CCDC171: variants seen among roughly 807,000 people sequenced by gnomAD.
The protein encoded by CCDC171 is coiled-coil domain-containing protein 171.
A neutral mutation model predicts 168.2 loss-of-function variants in CCDC171; 177 were observed. That is an observed-to-expected ratio of 1.05 (90% CI 0.93 to 1.19). The LOEUF (loss-of-function observed/expected upper bound fraction) is 1.19. Among genes scored for constraint, CCDC171 ranks in the 50% most tolerant of loss-of-function variants. The probability of loss-of-function intolerance (pLI) is 0.00; values close to 1 mark genes in which losing one functional copy is unlikely to be tolerated. For missense variants in CCDC171, 1,991 were observed against 1,539.0 expected, an observed-to-expected ratio of 1.29 and a Z score of -4.91; for synonymous variants, 687 against 540.8, an observed-to-expected ratio of 1.27 and a Z score of -3.75.
chr9:15,600,418 C>G (rs2042747789), intron 6 of CCDC171, among the ~76,000 whole-genome samples: 1 of 152,150 alleles, frequency 6.6e-6, no homozygotes, highest in Non-Finnish European at 1.5e-5. Flanking sequence ...CCCTGTTTGC[C>G]TGGGTATCAG....
At chr9:15,692,970 C>A (rs911971269) in intron 10 of CCDC171, among the ~76,000 whole-genome samples, 21 of 152,094 alleles carry the variant, frequency 1.4e-4, no homozygotes, top group African/African-American at 5.1e-4. Context: ...AACCCCTTCT[C>A]TACTAGAAAT....
intron 3 of CCDC171, among the ~76,000 whole-genome samples, chr9:15,987,159 C>T (rs943657680): frequency 6.6e-6 from 1 of 152,040 alleles, no homozygotes; most frequent in African/African-American, 2.4e-5. Context: ...AAATTTCAAA[C>T]TTTTATACAG....
intron 25 of CCDC171, among the ~76,000 whole-genome samples, chr9:15,938,350 G>C (rs908731376): frequency 6.6e-6 from 1 of 151,784 alleles, no homozygotes; most frequent in African/African-American, 2.4e-5. Context: ...AGTTTACATG[G>C]AGTGTGCCTT....
chr9:16,023,776 C>T (rs1206814735), intron 6 of CCDC171, among the ~76,000 whole-genome samples: 2 of 152,032 alleles, frequency 1.3e-5, no homozygotes, highest in African/African-American at 4.8e-5. Context: ...TTCAACTGGT[C>T]ACTGTCACAG....
At chr9:15,700,324 G>A (rs1051605027) in intron 11 of CCDC171, among the ~76,000 whole-genome samples, 3 of 152,320 alleles carry the variant, frequency 2.0e-5, no homozygotes, top group East Asian at 1.9e-4. Flanking sequence ...AGGGCCGGCC[G>A]GCTGCTCTGA....
At chr9:15,755,565 C>G (rs766227012) in intron 18 of CCDC171, among the ~76,000 whole-genome samples, 7 of 152,130 alleles carry the variant, frequency 4.6e-5, no homozygotes, top group Non-Finnish European at 7.4e-5. Context: ...ACCCAGATGT[C>G]TATCAACTGA....
intron 3 of CCDC171, among the ~76,000 whole-genome samples, chr9:15,987,960 C>A (rs968778702): frequency 2.0e-5 from 3 of 152,228 alleles, no homozygotes; most frequent in African/African-American, 7.2e-5. Context: ...GTGTCACTAT[C>A]TCAGCCACCC....
intron 16 of CCDC171, among the ~76,000 whole-genome samples, chr9:15,739,820 C>T (rs1245814280): frequency 2.0e-5 from 3 of 151,776 alleles, no homozygotes; most frequent in Non-Finnish European, 4.4e-5. Context: ...TCACTGCAAC[C>T]TCTGCCTTCT....
intron 6 of CCDC171, among the ~76,000 whole-genome samples, chr9:16,025,569 A>C (rs1436227079): frequency 6.6e-6 from 1 of 152,220 alleles, no homozygotes; most frequent in Non-Finnish European, 1.5e-5. Flanking sequence ...ATGAATAAAC[A>C]AAATGTACTT....
intron 16 of CCDC171, among the ~76,000 whole-genome samples, chr9:15,733,792 A>T (rs2054303462): frequency 6.6e-6 from 1 of 152,010 alleles, no homozygotes; most frequent in Non-Finnish European, 1.5e-5. Flanking sequence ...TCTTTTTGAG[A>T]CACTTTCGCC....
intron 7 of CCDC171, among the ~76,000 whole-genome samples, chr9:15,631,866 A>G (rs1226917340): frequency 6.6e-6 from 1 of 152,200 alleles, no homozygotes; most frequent in East Asian, 1.9e-4. Flanking sequence ...CTGTTTCAAT[A>G]TATGCAAATC....
At chr9:15,568,095 C>G (rs2039894210) in intron 2 of CCDC171, among the ~76,000 whole-genome samples, 1 of 151,880 alleles carries the variant, frequency 6.6e-6, no homozygotes, top group Non-Finnish European at 1.5e-5. Flanking sequence ...ATTCTGTGAC[C>G]TTGCTGAAAT....
downstream of CCDC171, among the ~76,000 whole-genome samples, chr9:16,066,618 C>T (rs7860040): frequency 0.024 from 2,949 of 123,390 alleles, 115 homozygotes; most frequent in African/African-American, 0.082. Context: ...CCCCTCCCCC[C>T]ACCCCACAAC....
intron 3 of CCDC171, among the ~76,000 whole-genome samples, chr9:15,984,691 T>G (rs1047095973): frequency 1.5e-4 from 23 of 152,120 alleles, no homozygotes; most frequent in African/African-American, 5.1e-4. Flanking sequence ...TATAGAATAT[T>G]TATCAACATT....
chr9:15,634,478 C>G (rs1265670574), intron 7 of CCDC171, among the ~76,000 whole-genome samples: 2 of 152,052 alleles, frequency 1.3e-5, no homozygotes, highest in African/African-American at 4.8e-5. Context: ...ACCCCTCTTC[C>G]TCTCTCTCCA....
intron 6 of CCDC171, among the ~76,000 whole-genome samples, chr9:15,604,123 AT>A (rs999781363): frequency 2.0e-5 from 3 of 148,112 alleles, no homozygotes; most frequent in African/African-American, 7.5e-5. Context: ...GATTTGTTTA[AT>A]TTCCTTGTAG....
At chr9:15,893,340 A>G (rs1313237211) in intron 24 of CCDC171, among the ~76,000 whole-genome samples, 1 of 152,162 alleles carries the variant, frequency 6.6e-6, no homozygotes, top group Non-Finnish European at 1.5e-5. Context: ...CTTAGAAGAA[A>G]ATCTAGGTAG....
intron 6 of CCDC171, among the ~76,000 whole-genome samples, chr9:16,033,554 G>T (rs1350431931): frequency 6.6e-6 from 1 of 152,198 alleles, no homozygotes; most frequent in Non-Finnish European, 1.5e-5. Context: ...AGGAAAACAA[G>T]CTCAGGGCTC....
chr9:16,050,500 G>A (rs1284427890), intron 1 of CCDC171, among the ~76,000 whole-genome samples: 2 of 152,156 alleles, frequency 1.3e-5, no homozygotes, highest in African/African-American at 4.8e-5. Context: ...ATTTAATCAT[G>A]TATGACTTCT....
Sources: allele counts gnomAD v4.1 joint callset (sites outside exome capture counted in the v4.1 genomes callset), GRCh38; gene constraint gnomAD v4.1.1; transcripts MANE v1.5; gene names NCBI Gene and HGNC (gene_info 2026-07-23, HGNC 2026-07-21).